Variants in TDRD3 observed in about 807,000 individuals in gnomAD.
TDRD3 encodes tudor domain-containing protein 3.
Under a neutral mutation model 86.7 loss-of-function variants are expected in TDRD3, and 45 were observed. The ratio of observed to expected loss-of-function variants is 0.52; its 90% CI spans 0.41 to 0.67. TDRD3 has a LOEUF of 0.67. Ranked by LOEUF, TDRD3 falls within the 30% of genes least tolerant of loss-of-function variation. The probability of loss-of-function intolerance (pLI) is 0.00; values close to 1 mark genes in which losing one functional copy is unlikely to be tolerated. For synonymous variants in TDRD3, 298 were observed against 301.7 expected (o/e 0.99, Z 0.13); for missense variants, 814 against 889.0 (o/e 0.92, Z 1.07).
intron 8 of TDRD3, among the ~76,000 whole-genome samples, chr13:60,498,417 C>T (rs750841600): frequency 2.6e-5 from 4 of 152,068 alleles, no homozygotes; most frequent in East Asian, 1.9e-4. Flanking sequence ...CTGTAATGGA[C>T]GGTAGAAGCA....
chr13:60,458,263 C>T (rs1038757326), intron 3 of TDRD3, among the ~76,000 whole-genome samples: 1 of 152,156 alleles, frequency 6.6e-6, no homozygotes, highest in Non-Finnish European at 1.5e-5. Context: ...AATTTGTGTT[C>T]CTTTGACAGA....
At chr13:60,493,806 G>T in intron 7 of TDRD3, among the ~76,000 whole-genome samples, 1 of 152,048 alleles carries the variant, frequency 6.6e-6, no homozygotes, top group Middle Eastern at 3.4e-3. Context: ...TAATAGTTTT[G>T]AAAAACAAAT....
chr13:60,404,111 A>G (rs1954171085), intron 1 of TDRD3, among the ~76,000 whole-genome samples: 2 of 152,204 alleles, frequency 1.3e-5, no homozygotes, highest in Admixed American at 6.5e-5. Flanking sequence ...AGTACTGATG[A>G]TGTATAAGCA....
rs3081890 is a variant in TDRD3 at position 60,438,958 on chromosome 13, C to CAA, written c.42-728_42-727dup. On this transcript the variant is annotated intron_variant, in intron 1 of 13. Transcript: ENST00000377881. ...TTGATTTTAGAATTGTTGAGTTTAT[C>CAA]AAAGAGTTTCAAAATGTCCATGGGT... is the stretch of plus-strand genomic sequence containing the variant. Among the ~76,000 whole-genome samples, 328 of 152,158 alleles carry CAA rather than the reference C, an allele frequency of 2.2e-3. 1 individual carries two copies. The highest frequency in any genetic ancestry group is 0.01 in the Middle Eastern group (3 of 294).
intron 5 of TDRD3, among the ~76,000 whole-genome samples, chr13:60,483,267 A>C (rs1020984215): frequency 6.6e-6 from 1 of 152,168 alleles, no homozygotes; most frequent in Non-Finnish European, 1.5e-5. Context: ...ATTTAGTATA[A>C]GGAAGGTTAA....
chr13:60,409,604 A>G (rs1016907928), intron 1 of TDRD3, among the ~76,000 whole-genome samples: 1 of 152,110 alleles, frequency 6.6e-6, no homozygotes, highest in African/African-American at 2.4e-5. Context: ...TAGATTTCAG[A>G]CTTGCCTGGG....
intron 3 of TDRD3, among the ~76,000 whole-genome samples, chr13:60,445,031 C>T (rs573077407): frequency 6.6e-6 from 1 of 151,956 alleles, no homozygotes; most frequent in South Asian, 2.1e-4. Flanking sequence ...GTAATTGGCA[C>T]TCATTACAAT....
intron 1 of TDRD3, among the ~76,000 whole-genome samples, chr13:60,436,439 C>G (rs9563815): frequency 2.6e-5 from 4 of 152,006 alleles, no homozygotes; most frequent in Non-Finnish European, 5.9e-5. Flanking sequence ...CATCTTGAGT[C>G]GATTTTTGTA....
At chr13:60,422,442 A>G (rs1166712656) in intron 1 of TDRD3, among the ~76,000 whole-genome samples, 1 of 152,176 alleles carries the variant, frequency 6.6e-6, no homozygotes, top group Non-Finnish European at 1.5e-5. Flanking sequence ...ACCTAGGAAA[A>G]TTCTTTTTCC....
rs1008126910 is a variant in TDRD3, at chr13:60,493,208, G to A, written c.718-1227G>A. On this transcript the variant is annotated intron_variant, in intron 7 of 13. Coordinates refer to ENST00000377881, the MANE Select transcript of TDRD3 (RefSeq NM_001146070.2). ...GCTAGGATTACAGGCGTGAGCCACC[G>A]CGCCCGGCCTCAAATAATTTTCTAA... Among the ~76,000 whole-genome samples the A allele has an allele frequency of 4.6e-5, 7 of 151,602 alleles. No homozygotes were observed. The South Asian group carries it at 1.0e-3, about 23-fold the overall frequency.
chr13:60,467,230 T>C lies in TDRD3; in HGVS notation c.354-8T>C, dbSNP rs1257429877. On this transcript the variant is annotated splice_polypyrimidine_tract_variant and splice_region_variant and intron_variant, in intron 4 of 13. Transcript: ENST00000377881. Reference sequence around the variant, plus strand: ...AATATGTTTTTAACACTTTTCTCTTTGCTTTAGCCTGAACACACCACCTGG... The same window carrying C: ...AATATGTTTTTAACACTTTTCTCTTCGCTTTAGCCTGAACACACCACCTGG... 9 of 1,611,414 alleles carry C rather than the reference T, an allele frequency of 5.6e-6. No homozygotes were observed. The highest frequency in any genetic ancestry group is 7.6e-6 in the Non-Finnish European group (9 of 1,179,208).
At chr13:60,573,576 GA>G in intron 13 of TDRD3, 39 bp from the exon 14 acceptor site, 1 of 982,938 alleles carries the variant, frequency 1.0e-6, no homozygotes, top group Non-Finnish European at 1.2e-6. Context: ...AAGTTAATTT[GA>G]GGCTTCAATT....
At chr13:60,539,755 C>T (rs1225618409) in intron 12 of TDRD3, among the ~76,000 whole-genome samples, 1 of 151,618 alleles carries the variant, frequency 6.6e-6, no homozygotes, top group African/African-American at 2.4e-5. Context: ...TATTCCATCA[C>T]TATTATAATA....
At chr13:60,480,017 T>A (rs1302618305) in intron 5 of TDRD3, among the ~76,000 whole-genome samples, 2 of 152,186 alleles carry the variant, frequency 1.3e-5, no homozygotes, top group Non-Finnish European at 2.9e-5. Context: ...AATATTGATA[T>A]GTTAGGGTTT....
intron 4 of TDRD3, chr13:60,461,117 T>TA (rs1189842810): frequency 6.6e-6 from 1 of 152,190 alleles, no homozygotes; most frequent in Non-Finnish European, 1.5e-5. Flanking sequence ...TCAGATACTT[T>TA]AGGTCACTCA....
At chr13:60,496,288 C>CATATATATATAT (rs56211733) in intron 8 of TDRD3, among the ~76,000 whole-genome samples, 3 of 61,258 alleles carry the variant, frequency 4.9e-5, no homozygotes, top group Non-Finnish European at 9.1e-5. Flanking sequence ...AACAAACTCC[C>CATATATATATAT]ATATATATAT....
intron 12 of TDRD3, among the ~76,000 whole-genome samples, chr13:60,542,036 A>G (rs893206765): frequency 2.6e-5 from 4 of 152,042 alleles, no homozygotes; most frequent in Non-Finnish European, 4.4e-5. Context: ...CTCCTTCAGC[A>G]TATTCTTAAG....
chr13:60,431,870 G>A (rs536605146), intron 1 of TDRD3, among the ~76,000 whole-genome samples: 1 of 152,012 alleles, frequency 6.6e-6, no homozygotes, highest in East Asian at 1.9e-4. Context: ...AACACTACAT[G>A]CTGGTACTTA....
At chr13:60,455,911 G>T (rs755493778) in intron 3 of TDRD3, among the ~76,000 whole-genome samples, 1 of 151,574 alleles carries the variant, frequency 6.6e-6, no homozygotes, top group Non-Finnish European at 1.5e-5. Flanking sequence ...TACTAAAAAA[G>T]ATAGAAAAAT....
Sources: allele counts gnomAD v4.1 joint callset (sites outside exome capture counted in the v4.1 genomes callset), GRCh38; gene constraint gnomAD v4.1.1; transcripts MANE v1.5; gene names NCBI Gene and HGNC (gene_info 2026-07-23, HGNC 2026-07-21).